The following AGBL1 variants were observed in gnomAD, a reference collection of about 807,000 sequenced individuals.
AGBL1 encodes the protein cytosolic carboxypeptidase 4.
In AGBL1, 130 loss-of-function variants were observed where a neutral mutation model predicts 118.9. The ratio of observed to expected loss-of-function variants is 1.09; its 90% CI spans 0.95 to 1.26. The LOEUF is 1.26. AGBL1 is among the 50% of genes most tolerant of loss of function. AGBL1 has a pLI of 0.00. For missense variants in AGBL1, 1,584 were observed against 1,298.1 expected (o/e 1.22, Z -3.38); for synonymous variants, 555 against 478.9 (o/e 1.16, Z -2.08).
Position 86,241,900 on chromosome 15 carries a change from A to G in AGBL1, c.527-5771A>G, listed in dbSNP as rs372319119. 2.0e-5 allele frequency among the ~76,000 whole-genome samples: 3 copies of G among 152,310 alleles called. No individual in the cohort carries two copies. The East Asian group carries it at 5.8e-4, about 29-fold the overall frequency. ...GTTGTTATGATTTGGCTGTGTCTCT[A>G]CTGAAATCTCATCTTGAATTGTAGC... On this transcript the variant is annotated intron_variant, in intron 6 of 22. Transcript: ENST00000614907.
intron 22 of AGBL1, among the ~76,000 whole-genome samples, chr15:86,825,972 T>C (rs549178291): frequency 2.0e-5 from 3 of 151,576 alleles, no homozygotes; most frequent in Admixed American, 1.3e-4. Flanking sequence ...CATGCAGTTG[T>C]AAGAAATAAT....
chr15:86,256,789 C>A, intron 7 of AGBL1, 64 bp from the exon 8 acceptor site: 1 of 1,545,640 alleles, frequency 6.5e-7, no homozygotes. Flanking sequence ...GTGTTATTAG[C>A]TGTGTTACAG....
chr15:86,748,510 CTTTTTTTTTTTTTTTTTTTTTTTTTTT>C (rs752203969), intron 22 of AGBL1, among the ~76,000 whole-genome samples: 1 of 9,754 alleles, frequency 1.0e-4, no homozygotes, highest in African/African-American at 2.2e-4. Flanking sequence ...TCAATTTTGG[CTTTTTTTTTTTTTTTTTTTTTTTTTTT>C]TTTTTTTTTG....
chr15:86,357,447 A>G (rs907550813), intron 17 of AGBL1, among the ~76,000 whole-genome samples: 3 of 152,130 alleles, frequency 2.0e-5, no homozygotes, highest in Non-Finnish European at 4.4e-5. Context: ...CACTGTTTCT[A>G]TCAAAATTAA....
chr15:86,560,133 T>C (rs1228768243), intron 21 of AGBL1, among the ~76,000 whole-genome samples: 1 of 151,228 alleles, frequency 6.6e-6, no homozygotes, highest in Non-Finnish European at 1.5e-5. Flanking sequence ...ATTTTTCTTT[T>C]TTTTCTTGTA....
At chr15:86,456,480 G>C (rs907777044) in intron 18 of AGBL1, among the ~76,000 whole-genome samples, 5 of 152,180 alleles carry the variant, frequency 3.3e-5, no homozygotes, top group African/African-American at 7.2e-5. Flanking sequence ...CACAGTAGAT[G>C]ATGATGCCTT....
chr15:86,899,202 G>A (rs997458534), intron 22 of AGBL1, among the ~76,000 whole-genome samples: 6 of 152,180 alleles, frequency 3.9e-5, no homozygotes, highest in African/African-American at 1.4e-4. Context: ...ATACTATGCA[G>A]CCGTAAAAAA....
chr15:86,584,242 G>A (rs1027133470), intron 21 of AGBL1, among the ~76,000 whole-genome samples: 9 of 152,076 alleles, frequency 5.9e-5, no homozygotes, highest in African/African-American at 2.2e-4. Flanking sequence ...TGAGGACTTG[G>A]TCATAAATTC....
At chr15:86,497,871 C>G (rs1174908954) in intron 18 of AGBL1, among the ~76,000 whole-genome samples, 1 of 151,896 alleles carries the variant, frequency 6.6e-6, no homozygotes, top group Non-Finnish European at 1.5e-5. Flanking sequence ...AAATCACATA[C>G]CGCTACACCA....
chr15:86,483,283 G>A (rs1451117737), intron 18 of AGBL1, among the ~76,000 whole-genome samples: 1 of 152,068 alleles, frequency 6.6e-6, no homozygotes. Flanking sequence ...ATGGTTGATG[G>A]TCTCTTATCA....
chr15:86,430,367 C>T (rs1441386333), intron 18 of AGBL1, among the ~76,000 whole-genome samples: 2 of 151,762 alleles, frequency 1.3e-5, no homozygotes, highest in Non-Finnish European at 2.9e-5. Context: ...CGGTGATAGG[C>T]ACCTGTAGTA....
intron 22 of AGBL1, among the ~76,000 whole-genome samples, chr15:86,826,036 C>CA (rs138590239): frequency 0.57 from 85,360 of 148,972 alleles, 25,049 homozygotes; most frequent in Non-Finnish European, 0.66. Flanking sequence ...TAACTTCTTG[C>CA]AAAAAAAAAA....
chr15:86,894,203 G>C (rs2080090943), intron 22 of AGBL1, among the ~76,000 whole-genome samples: 1 of 152,118 alleles, frequency 6.6e-6, no homozygotes. Context: ...TCTATCAGTG[G>C]AACTACCGTT....
chr15:86,231,027 A>G (rs1279828303), intron 6 of AGBL1, among the ~76,000 whole-genome samples: 1 of 152,204 alleles, frequency 6.6e-6, no homozygotes, highest in Non-Finnish European at 1.5e-5. Flanking sequence ...GATCTCTGAG[A>G]CTTCGAATGT....
intron 5 of AGBL1, among the ~76,000 whole-genome samples, chr15:86,188,894 T>A (rs1395312636): frequency 6.6e-6 from 1 of 152,220 alleles, no homozygotes; most frequent in African/African-American, 2.4e-5. Flanking sequence ...AAAAGAGTAC[T>A]GTAAAACAGA....
intron 18 of AGBL1, among the ~76,000 whole-genome samples, chr15:86,427,158 C>G (rs2081877033): frequency 6.6e-6 from 1 of 152,110 alleles, no homozygotes; most frequent in Non-Finnish European, 1.5e-5. Context: ...TTGTTTTTGA[C>G]TGAATTACTG....
At chr15:86,352,625 G>T (rs1486932728) in intron 17 of AGBL1, among the ~76,000 whole-genome samples, 1 of 152,058 alleles carries the variant, frequency 6.6e-6, no homozygotes, top group East Asian at 1.9e-4. Flanking sequence ...GGGATTACAA[G>T]TGTGCACTAC....
intron 5 of AGBL1, among the ~76,000 whole-genome samples, chr15:86,182,000 T>C (rs190305489): frequency 1.2e-3 from 176 of 152,126 alleles, no homozygotes; most frequent in Non-Finnish European, 2.1e-3. Flanking sequence ...TTTTGACAGA[T>C]GAACTAGATT....
chr15:86,687,244 A>G lies in AGBL1; in HGVS notation c.3158+12808A>G, dbSNP rs374438256. Among the ~76,000 whole-genome samples the G allele has an allele frequency of 1.4e-3, 218 of 152,268 alleles. 1 individual carries two copies. The highest frequency in any genetic ancestry group is 5.1e-3 in the African/African-American group (210 of 41,572). ...CACCTAGAAGCTGCTGTGAGCCTCAAGAACTTCTAAGACACTCTTGTCAGG... is the reference window on the plus strand; with the variant it reads ...CACCTAGAAGCTGCTGTGAGCCTCAGGAACTTCTAAGACACTCTTGTCAGG... On this transcript the variant is annotated intron_variant, in intron 22 of 22. Coordinates refer to ENST00000614907, the MANE Select transcript of AGBL1 (RefSeq NM_001386094.1).
Sources: allele counts gnomAD v4.1 joint callset (sites outside exome capture counted in the v4.1 genomes callset), GRCh38; gene constraint gnomAD v4.1.1; transcripts MANE v1.5; gene names NCBI Gene and HGNC (gene_info 2026-07-23, HGNC 2026-07-21).